The following SLC35F3 variants were observed in gnomAD, a reference collection of about 807,000 sequenced individuals.
SLC35F3 encodes the protein solute carrier family 35 member F3.
Under a neutral mutation model 49.9 loss-of-function variants are expected in SLC35F3, and 25 were observed. The observed-to-expected ratio is 0.50, with a 90% confidence interval of 0.37 to 0.70. SLC35F3 has a LOEUF of 0.70. Among genes scored for constraint, SLC35F3 ranks in the 30% least tolerant of loss-of-function variants. The pLI is 0.00. For missense variants in SLC35F3, 525 were observed against 639.8 expected (o/e 0.82, Z 1.94); for synonymous variants, 275 against 265.4 (o/e 1.04, Z -0.35).
In SLC35F3 at chr1:234,323,555, T is replaced by C. The variant is rs1439991123; in HGVS notation, c.*312T>C. 1.3e-5 allele frequency: 5 copies of C among 391,448 alleles called. No individual in the cohort carries two copies. The highest frequency in any genetic ancestry group is 2.3e-5 in the Non-Finnish European group (5 of 215,060). The allele number at this position is 391,448 out of a possible 1,614,324, so 24.2% of individuals were successfully genotyped here. ...TTGACAAGCCAGCCATCAGGGCAAG[T>C]GTTTTGAATCTTAGCAAGTGTTTTG... On this transcript the variant is annotated 3_prime_UTR_variant, in exon 8 of 8. Coordinates refer to ENST00000366618, the MANE Select transcript of SLC35F3 (RefSeq NM_173508.4). This position sits in a 1 kb window ranked among gnomAD's most constrained non-coding sequence, Gnocchi z 4.5.
intron 3 of SLC35F3, among the ~76,000 whole-genome samples, chr1:234,237,093 T>C (rs1458898018): frequency 6.6e-6 from 1 of 151,474 alleles, no homozygotes; most frequent in African/African-American, 2.4e-5. Flanking sequence ...GGGTGCCCGA[T>C]CAAGGAGTTG....
chr1:234,248,002 C>T (rs375037205), intron 3 of SLC35F3, among the ~76,000 whole-genome samples: 389 of 151,936 alleles, frequency 2.6e-3, no homozygotes, highest in African/African-American at 7.8e-3. Context: ...TTGACTGGTT[C>T]GTTGTTCGGT....
chr1:234,298,593 A>C (rs559710169), intron 3 of SLC35F3, among the ~76,000 whole-genome samples: 25 of 152,332 alleles, frequency 1.6e-4, no homozygotes, highest in Non-Finnish European at 3.2e-4. Context: ...GAATCTCCTA[A>C]GTATATTTTA....
chr1:234,158,362 C>G (rs900691144), intron 2 of SLC35F3, among the ~76,000 whole-genome samples: 1 of 152,140 alleles, frequency 6.6e-6, no homozygotes, highest in Non-Finnish European at 1.5e-5. Context: ...TAACTTTACC[C>G]CAACAATGGG....
intron 2 of SLC35F3, among the ~76,000 whole-genome samples, chr1:234,140,657 G>T (rs80189296): frequency 2.0e-5 from 3 of 150,574 alleles, no homozygotes; most frequent in Non-Finnish European, 3.0e-5. Context: ...AACGGCAGAC[G>T]AACACTCAGG....
intron 2 of SLC35F3, among the ~76,000 whole-genome samples, chr1:233,924,641 G>A (rs144472232): frequency 9.9e-5 from 15 of 152,064 alleles, no homozygotes; most frequent in Admixed American, 9.8e-4. Context: ...CTTCAGTTCT[G>A]CTCTGATCTT....
intron 2 of SLC35F3, among the ~76,000 whole-genome samples, chr1:234,216,331 G>A (rs1667120649): frequency 6.6e-6 from 1 of 152,212 alleles, no homozygotes. Context: ...ACCTTAGGCA[G>A]GACAGGTTCG....
intron 3 of SLC35F3, among the ~76,000 whole-genome samples, chr1:234,292,777 C>T (rs1246624057): frequency 3.9e-5 from 6 of 152,300 alleles, no homozygotes; most frequent in Admixed American, 6.5e-5. Context: ...ATAGTGCAGG[C>T]GGGACCTGTC....
At chr1:233,905,368 G>T (rs115194230) in intron 1 of SLC35F3, among the ~76,000 whole-genome samples, 161 bp from the exon 2 acceptor site, 192 of 152,296 alleles carry the variant, frequency 1.3e-3, no homozygotes, top group Non-Finnish European at 2.0e-3. Flanking sequence ...TGGGTGAGTG[G>T]CGGCGGGAAG....
chr1:233,928,272 C>T (rs1375153088), intron 2 of SLC35F3, among the ~76,000 whole-genome samples: 2 of 152,134 alleles, frequency 1.3e-5, no homozygotes, highest in African/African-American at 4.8e-5. Flanking sequence ...ACTATGGGTT[C>T]TGTAAGAGGT....
At chr1:234,267,494 G>A in intron 3 of SLC35F3, among the ~76,000 whole-genome samples, 1 of 149,272 alleles carries the variant, frequency 6.7e-6, no homozygotes, top group African/African-American at 2.5e-5. Flanking sequence ...TGGGGCGGCT[G>A]GCCGGGCGGG....
intron 2 of SLC35F3, among the ~76,000 whole-genome samples, chr1:234,005,517 G>C (rs1203285657): frequency 1.3e-5 from 2 of 152,208 alleles, no homozygotes; most frequent in Non-Finnish European, 1.5e-5. Flanking sequence ...GGCTGCTGCT[G>C]CTGCTGACGA....
intron 3 of SLC35F3, among the ~76,000 whole-genome samples, chr1:234,247,905 A>AGGTTGGTTGGTCCATTGCTTGGTGGGTT (rs1171557992): frequency 7.5e-4 from 11 of 14,692 alleles, no homozygotes; most frequent in African/African-American, 1.0e-3. Flanking sequence ...TTTGGTGGGT[A>AGGTTGGTTGGTCCATTGCTTGGTGGGTT]GGTTGGTTGG....
chr1:233,922,504 T>C (rs1428252512), intron 2 of SLC35F3, among the ~76,000 whole-genome samples: 5 of 148,568 alleles, frequency 3.4e-5, no homozygotes, highest in South Asian at 2.1e-4. Flanking sequence ...TTTTTTTTTT[T>C]TCTTGTAAAT....
At chr1:234,180,656 A>G (rs1037207176) in intron 2 of SLC35F3, among the ~76,000 whole-genome samples, 3 of 152,136 alleles carry the variant, frequency 2.0e-5, no homozygotes, top group African/African-American at 4.8e-5. Context: ...TATTTCCCTC[A>G]TTGGCCACCT....
At chr1:234,322,985 C>A (rs1284227716) in intron 7 of SLC35F3, 23 bp from the exon 8 acceptor site, 1 of 1,607,386 alleles carries the variant, frequency 6.2e-7, no homozygotes, top group Non-Finnish European at 8.5e-7. Flanking sequence ...AGCTGAGAAA[C>A]CTCCATGCTC....
chr1:234,253,218 C>A (rs982339974), intron 3 of SLC35F3, among the ~76,000 whole-genome samples: 2 of 152,036 alleles, frequency 1.3e-5, no homozygotes, highest in African/African-American at 4.8e-5. Context: ...CCCAGCTACT[C>A]AGGAGGCTGA....
At chr1:234,017,466 C>A (rs1417388431) in intron 2 of SLC35F3, among the ~76,000 whole-genome samples, 1 of 152,032 alleles carries the variant, frequency 6.6e-6, no homozygotes, top group Non-Finnish European at 1.5e-5. Context: ...GTAGTCCCAG[C>A]ACTTTGGGAG....
At chr1:233,946,846 C>T (rs1662520547) in intron 2 of SLC35F3, among the ~76,000 whole-genome samples, 1 of 152,200 alleles carries the variant, frequency 6.6e-6, no homozygotes, top group Non-Finnish European at 1.5e-5. Context: ...CTAGTCATTT[C>T]TGCCACTGCC....
Sources: allele counts gnomAD v4.1 joint callset (sites outside exome capture counted in the v4.1 genomes callset), GRCh38; gene constraint gnomAD v4.1.1; non-coding constraint Gnocchi (gnomAD v3.1); transcripts MANE v1.5; gene names NCBI Gene and HGNC (gene_info 2026-07-23, HGNC 2026-07-21).